TIAM1: variants seen among roughly 807,000 people sequenced by gnomAD.
TIAM1 encodes the protein rho guanine nucleotide exchange factor TIAM1.
A neutral mutation model predicts 163.5 loss-of-function variants in TIAM1; 65 were observed. That is an observed-to-expected ratio of 0.40 (90% CI 0.33 to 0.49). TIAM1 has a LOEUF of 0.49. Ranked by LOEUF, TIAM1 falls within the 20% of genes least tolerant of loss-of-function variation. The probability of loss-of-function intolerance (pLI) is 0.77; values close to 1 mark genes in which losing one functional copy is unlikely to be tolerated. For synonymous variants in TIAM1, 833 were observed against 810.1 expected (o/e 1.03, Z -0.48); for missense variants, 1,789 against 2,044.7 (o/e 0.87, Z 2.41).
intron 1 of TIAM1, among the ~76,000 whole-genome samples, chr21:31,477,492 T>TTTTTTA (rs2045970117): frequency 7.5e-6 from 1 of 133,568 alleles, no homozygotes; most frequent in African/African-American, 3.1e-5. Context: ...TTTTTTTTTT[T>TTTTTTA]GAGACGGAAT....
At position 31,118,759 on chromosome 21, in the gene TIAM1, A is replaced by G. The variant is rs1171353298; in HGVS notation, c.*1609T>C. ...TTCTAAAGCTTTTTCAGAAAACCAG[A>G]AGATATAGCAAAAATTTAATAGAAT... On this transcript the variant is annotated 3_prime_UTR_variant, in exon 28 of 28. Coordinates refer to ENST00000541036, the MANE Select transcript of TIAM1 (RefSeq NM_001353694.2). The G allele has an allele frequency of 5.0e-6, 2 of 396,428 alleles. No individual in the cohort carries two copies. Among genetic ancestry groups the G allele is most frequent in the Non-Finnish European group, 1.0e-5 (2 of 195,696 alleles). 24.6% of individuals were successfully genotyped at this position (396,428 alleles called of 1,614,324 possible).
At chr21:31,202,102 T>C (rs1383441652) in intron 12 of TIAM1, among the ~76,000 whole-genome samples, 4 of 152,122 alleles carry the variant, frequency 2.6e-5, no homozygotes, top group Non-Finnish European at 5.9e-5. Flanking sequence ...AGAAGCTATA[T>C]AAATACAGTT....
chr21:31,526,574 G>A (rs982659893), intron 1 of TIAM1, among the ~76,000 whole-genome samples: 6 of 152,106 alleles, frequency 3.9e-5, no homozygotes, highest in Non-Finnish European at 5.9e-5. Context: ...GCTTTCCCAC[G>A]ACAATGCAGA....
In TIAM1 at chr21:31,508,784, C is replaced by G. The variant is rs188507406; in HGVS notation, c.-421-44749G>C. 3.2e-4 allele frequency among the ~76,000 whole-genome samples: 49 copies of G among 152,252 alleles called. No individual in the cohort carries two copies. In the East Asian group the frequency reaches 8.7e-3, roughly 27 times the overall value. On this transcript the variant is annotated intron_variant, in intron 1 of 28. Transcript: ENST00000286827. Reference sequence around the variant, plus strand: ...GGGTGAGTGTGCCCTTAGACTATATCCGAGATCCTAGCGTTGAAGTGGTCC... The same window carrying G: ...GGGTGAGTGTGCCCTTAGACTATATGCGAGATCCTAGCGTTGAAGTGGTCC...
chr21:31,353,930 C>T (rs577470918), intron 2 of TIAM1, among the ~76,000 whole-genome samples: 1 of 142,004 alleles, frequency 7.0e-6, no homozygotes, highest in South Asian at 2.3e-4. Context: ...CCTCTGCCTC[C>T]TGGGTTCAAG....
chr21:31,346,035 G>T (rs187082741), upstream of TIAM1, among the ~76,000 whole-genome samples: 1 of 151,996 alleles, frequency 6.6e-6, no homozygotes, highest in African/African-American at 2.4e-5. Flanking sequence ...ATTTGCCTCC[G>T]GGGAACATTT....
intron 2 of TIAM1, among the ~76,000 whole-genome samples, chr21:31,295,951 C>G (rs1274417910): frequency 6.6e-6 from 1 of 152,090 alleles, no homozygotes; most frequent in Admixed American, 6.6e-5. Context: ...GCATACAACA[C>G]CGCTCCTGGC....
At chr21:31,199,537 T>TC (rs1308104253) in intron 12 of TIAM1, among the ~76,000 whole-genome samples, 3 of 151,610 alleles carry the variant, frequency 2.0e-5, no homozygotes, top group Non-Finnish European at 3.0e-5. Context: ...AGAACATTTT[T>TC]TTTTTTTTTT....
intron 3 of TIAM1, among the ~76,000 whole-genome samples, chr21:31,275,142 GAATATT>G (rs2073241369): frequency 6.8e-6 from 1 of 146,846 alleles, no homozygotes; most frequent in African/African-American, 2.5e-5. Flanking sequence ...AAAAAAAAAA[GAATATT>G]AATATGTAAA....
intron 6 of TIAM1, among the ~76,000 whole-genome samples, chr21:31,226,582 G>A (rs1393397698): frequency 1.3e-5 from 2 of 152,126 alleles, no homozygotes; most frequent in Non-Finnish European, 2.9e-5. Context: ...AATGGTGAGC[G>A]ACACCCACCA....
intron 2 of TIAM1, among the ~76,000 whole-genome samples, chr21:31,455,111 T>C (rs181295498): frequency 2.0e-5 from 3 of 151,598 alleles, no homozygotes. Context: ...AGAAACCCGT[T>C]TCTACTAAAA....
At chr21:31,448,959 G>A (rs539510010) in intron 2 of TIAM1, among the ~76,000 whole-genome samples, 17 of 151,940 alleles carry the variant, frequency 1.1e-4, no homozygotes, top group Non-Finnish European at 2.4e-4. Context: ...CACCTGCTAG[G>A]ATTGGCTTGT....
intron 10 of TIAM1, among the ~76,000 whole-genome samples, chr21:31,210,619 A>AAG (rs1372618334): frequency 7.3e-5 from 1 of 13,790 alleles, no homozygotes; most frequent in African/African-American, 3.2e-4. Flanking sequence ...GGAAGGGAGA[A>AAG]AGAAAGAAAG....
At chr21:31,504,366 C>G (rs947502683) in intron 1 of TIAM1, among the ~76,000 whole-genome samples, 7 of 152,140 alleles carry the variant, frequency 4.6e-5, no homozygotes, top group African/African-American at 1.7e-4. Context: ...TAATTCATTC[C>G]CCGATACTTT....
intron 7 of TIAM1, 48 bp downstream of exon 7, chr21:31,225,678 T>C (rs1315317096): frequency 2.0e-6 from 3 of 1,528,694 alleles, no homozygotes; most frequent in East Asian, 2.3e-5. Flanking sequence ...AAAACCCTTT[T>C]AGAGACCTAA....
chr21:31,452,622 A>C (rs2044909288), intron 2 of TIAM1: 1 of 512,978 alleles, frequency 1.9e-6, no homozygotes, highest in Non-Finnish European at 3.6e-6. Context: ...AAATTATAAA[A>C]GACTTATCCA....
intron 2 of TIAM1, among the ~76,000 whole-genome samples, chr21:31,434,835 T>C (rs940953394): frequency 2.6e-5 from 4 of 152,172 alleles, no homozygotes; most frequent in African/African-American, 9.7e-5. Context: ...CCGTCCCAGT[T>C]CTCTGTAATG....
chr21:31,262,493 C>CA (rs1489575774), intron 4 of TIAM1, among the ~76,000 whole-genome samples: 4 of 152,206 alleles, frequency 2.6e-5, no homozygotes, highest in Admixed American at 1.3e-4. Flanking sequence ...ACTCCCAAGA[C>CA]AAACTTTTCT....
chr21:31,406,476 T>G (rs539653150), intron 2 of TIAM1, among the ~76,000 whole-genome samples: 2 of 151,956 alleles, frequency 1.3e-5, no homozygotes, highest in Admixed American at 1.3e-4. Context: ...TCGGGAAGAT[T>G]AAATAATTAA....
Sources: gnomAD v4.1 joint callset for allele counts (sites outside exome capture counted in the v4.1 genomes callset) on GRCh38, gnomAD v4.1.1 for gene constraint, MANE v1.5 for transcripts, NCBI Gene and HGNC (gene_info 2026-07-23, HGNC 2026-07-21) for gene names.